SUGCT: variants seen among roughly 807,000 people sequenced by gnomAD.
The protein encoded by SUGCT is succinyl-CoA:glutarate-CoA transferase.
Under a neutral mutation model 55.0 loss-of-function variants are expected in SUGCT, and 41 were observed. The ratio of observed to expected loss-of-function variants is 0.74; its 90% CI spans 0.58 to 0.97. The LOEUF (loss-of-function observed/expected upper bound fraction) is 0.97, where lower values mean the gene tolerates loss of function less well. SUGCT is among the 50% of genes least tolerant of loss of function. SUGCT has a pLI of 0.00. For missense variants in SUGCT, 568 were observed against 547.8 expected, an observed-to-expected ratio of 1.04 and a Z score of -0.37; for synonymous variants, 187 against 200.4, an observed-to-expected ratio of 0.93 and a Z score of 0.56.
rs369672547 is a variant in SUGCT, at chr7:40,256,924, AAC to A, written c.577-17587_577-17586del. ...ACACCCAGCTAATTTTCGTATTTTT[AAC>A]AGAGATGGGGTTTCACCATCTTGGC... On this transcript the variant is annotated intron_variant, in intron 7 of 13. Coordinates refer to ENST00000335693, the MANE Select transcript of SUGCT (RefSeq NM_001193313.2). Among the ~76,000 whole-genome samples the A allele has an allele frequency of 4.8e-3, 733 of 151,956 alleles. 6 individuals are homozygous for A. Among genetic ancestry groups the A allele is most frequent in the African/African-American group, 0.017 (696 of 41,450 alleles).
intron 6 of SUGCT, among the ~76,000 whole-genome samples, chr7:40,215,652 G>T (rs1787582341): frequency 6.6e-6 from 1 of 152,046 alleles, no homozygotes; most frequent in Admixed American, 6.6e-5. Context: ...CACGAGGTCA[G>T]GAGATCGAAA....
At chr7:40,351,365 G>T (rs73688054) in intron 9 of SUGCT, among the ~76,000 whole-genome samples, 1 of 151,834 alleles carries the variant, frequency 6.6e-6, no homozygotes, top group Non-Finnish European at 1.5e-5. Context: ...TCTTCTGGAT[G>T]AATTTTTATG....
At chr7:40,961,368 AAGGGAGTG>A in the SUGCT span, among the ~76,000 whole-genome samples, 1 of 152,088 alleles carries the variant, frequency 6.6e-6, no homozygotes, top group Admixed American at 6.6e-5. Flanking sequence ...TTAAGTTAGC[AAGGGAGTG>A]AGGGAGTGTG....
intron 1 of SUGCT, among the ~76,000 whole-genome samples, chr7:40,169,776 G>T (rs1234106815): frequency 2.0e-5 from 3 of 151,410 alleles, no homozygotes; most frequent in Non-Finnish European, 2.9e-5. Flanking sequence ...CATTCTGCCT[G>T]CTCCTCCTGA....
chr7:40,457,176 A>G (rs1379241720), intron 10 of SUGCT, among the ~76,000 whole-genome samples: 3 of 151,622 alleles, frequency 2.0e-5, no homozygotes, highest in Non-Finnish European at 4.4e-5. Context: ...TCTGTGGCTC[A>G]TGCCTGTAAT....
chr7:40,508,928 G>C (rs2151546668), intron 12 of SUGCT, among the ~76,000 whole-genome samples: 1 of 151,498 alleles, frequency 6.6e-6, no homozygotes, highest in East Asian at 1.9e-4. Flanking sequence ...ACTGTGCCCT[G>C]CTGTGGTGTT....
At chr7:40,554,072 C>T (rs990919035) in intron 12 of SUGCT, among the ~76,000 whole-genome samples, 8 of 152,190 alleles carry the variant, frequency 5.3e-5, no homozygotes, top group African/African-American at 9.6e-5. Context: ...GGATTTGAAT[C>T]CTGGCTTTTC....
the SUGCT span, among the ~76,000 whole-genome samples, chr7:40,925,005 C>T: frequency 1.6e-4 from 25 of 152,072 alleles, no homozygotes; most frequent in Admixed American, 1.3e-4. Context: ...GTACATGACT[C>T]CCAGTGTACC....
intron 6 of SUGCT, among the ~76,000 whole-genome samples, chr7:40,217,979 C>T (rs2150815044): frequency 6.6e-6 from 1 of 152,194 alleles, no homozygotes; most frequent in South Asian, 2.1e-4. Flanking sequence ...TTTGGGAGGC[C>T]AAAGCAGGTG....
At chr7:40,669,346 CAA>C (rs33947436) in intron 12 of SUGCT, among the ~76,000 whole-genome samples, 2,330 of 90,696 alleles carry the variant, frequency 0.026, 49 homozygotes, top group African/African-American at 0.077. Context: ...GTGTAAGCTT[CAA>C]AAAAAAAAAA....
At chr7:40,379,675 G>A (rs1298144956) in intron 9 of SUGCT, among the ~76,000 whole-genome samples, 1 of 152,132 alleles carries the variant, frequency 6.6e-6, no homozygotes, top group African/African-American at 2.4e-5. Flanking sequence ...ATTTGCTGAA[G>A]GGCTCTGTCT....
intron 3 of SUGCT, among the ~76,000 whole-genome samples, chr7:40,187,227 T>C (rs1340501205): frequency 6.6e-6 from 1 of 152,042 alleles, no homozygotes; most frequent in Non-Finnish European, 1.5e-5. Context: ...TAGGTGGGAA[T>C]TGAACAATGA....
chr7:40,136,798 A>C (rs554632359), intron 1 of SUGCT, among the ~76,000 whole-genome samples: 1 of 152,308 alleles, frequency 6.6e-6, no homozygotes, highest in South Asian at 2.1e-4. Context: ...GTTGAAGACC[A>C]GCCTGGGCAA....
chr7:40,641,464 C>G (rs1232341460), intron 12 of SUGCT, among the ~76,000 whole-genome samples: 1 of 152,120 alleles, frequency 6.6e-6, no homozygotes, highest in Non-Finnish European at 1.5e-5. Context: ...AAATAAATGA[C>G]AAGAGGGCAC....
chr7:40,978,494 CG>C, the SUGCT span, among the ~76,000 whole-genome samples: 4 of 152,202 alleles, frequency 2.6e-5, no homozygotes, highest in African/African-American at 9.6e-5. Context: ...ATGTGGTCCC[CG>C]TGCTCATGGG....
At chr7:40,558,077 C>T (rs1383180203) in intron 12 of SUGCT, among the ~76,000 whole-genome samples, 1 of 150,260 alleles carries the variant, frequency 6.7e-6, no homozygotes, top group Non-Finnish European at 1.5e-5. Flanking sequence ...ACTTCACACT[C>T]ATTGGGATGG....
At chr7:40,690,861 G>A (rs1040286014) in intron 12 of SUGCT, among the ~76,000 whole-genome samples, 3 of 152,164 alleles carry the variant, frequency 2.0e-5, no homozygotes, top group African/African-American at 2.4e-5. Context: ...ATAGGCAGGA[G>A]CCACCACACC....
At chr7:40,610,825 G>A (rs973601112) in intron 12 of SUGCT, among the ~76,000 whole-genome samples, 7 of 152,176 alleles carry the variant, frequency 4.6e-5, no homozygotes, top group African/African-American at 1.4e-4. Flanking sequence ...AGGGAATTTA[G>A]TTGTGTTTAA....
At chr7:40,238,119 T>G (rs544978235) in intron 7 of SUGCT, among the ~76,000 whole-genome samples, 2 of 152,304 alleles carry the variant, frequency 1.3e-5, no homozygotes, top group Admixed American at 6.5e-5. Flanking sequence ...AGACCACGGA[T>G]GTCCATTTCT....
Sources: gnomAD v4.1 joint callset for allele counts (sites outside exome capture counted in the v4.1 genomes callset) on GRCh38, gnomAD v4.1.1 for gene constraint, MANE v1.5 for transcripts, NCBI Gene and HGNC (gene_info 2026-07-23, HGNC 2026-07-21) for gene names.